The following FAM184B variants were observed in gnomAD, a reference collection of about 807,000 sequenced individuals.
FAM184B encodes the protein protein FAM184B.
Under a neutral mutation model 135.9 loss-of-function variants are expected in FAM184B, and 111 were observed. The ratio of observed to expected loss-of-function variants is 0.82; its 90% CI spans 0.70 to 0.96. The LOEUF (loss-of-function observed/expected upper bound fraction) is 0.96, where lower values mean the gene tolerates loss of function less well. Among genes scored for constraint, FAM184B ranks in the 40% least tolerant of loss-of-function variants. FAM184B has a pLI of 0.00. For synonymous variants in FAM184B, 552 were observed against 524.8 expected (o/e 1.05, Z -0.71); for missense variants, 1,375 against 1,323.9 (o/e 1.04, Z -0.60).
chr4:17,718,399 T>C (rs989002303), intron 1 of FAM184B, among the ~76,000 whole-genome samples: 2 of 152,188 alleles, frequency 1.3e-5, no homozygotes, highest in African/African-American at 4.8e-5. Context: ...GCATTTCCTA[T>C]ATGCCTGGCA....
At chr4:17,666,355 G>A (rs1716048829) in intron 7 of FAM184B, among the ~76,000 whole-genome samples, 1 of 138,842 alleles carries the variant, frequency 7.2e-6, no homozygotes. Context: ...CCAGGCTGAT[G>A]TGCAGTGGCG....
At chr4:17,770,613 A>T (rs534192573) in intron 1 of FAM184B, among the ~76,000 whole-genome samples, 7 of 152,056 alleles carry the variant, frequency 4.6e-5, no homozygotes, top group Non-Finnish European at 1.0e-4. Flanking sequence ...ACAGGTGCAT[A>T]CCACCAAACC....
intron 5 of FAM184B, among the ~76,000 whole-genome samples, chr4:17,694,319 C>T (rs1228258944): frequency 2.6e-5 from 4 of 152,070 alleles, no homozygotes; most frequent in Non-Finnish European, 4.4e-5. Context: ...GTCAGCAGAT[C>T]GAGACCATCC....
At chr4:17,641,949 A>T in intron 13 of FAM184B, 107 bp downstream of exon 13, 1 of 1,398,618 alleles carries the variant, frequency 7.1e-7, no homozygotes, top group East Asian at 2.8e-5. Context: ...ATGCCGAGGC[A>T]GTGACCCATT....
At chr4:17,700,371 T>C (rs1716958175) in intron 5 of FAM184B, among the ~76,000 whole-genome samples, 1 of 152,144 alleles carries the variant, frequency 6.6e-6, no homozygotes, top group African/African-American at 2.4e-5. Context: ...GGAATATACA[T>C]ATATTATCAG....
intron 12 of FAM184B, among the ~76,000 whole-genome samples, chr4:17,647,321 T>C (rs1439521000): frequency 1.3e-5 from 2 of 149,350 alleles, no homozygotes; most frequent in African/African-American, 5.0e-5. Context: ...GGCACAATCA[T>C]AGCTCACCAC....
Position 17,630,382 on chromosome 4 carries a change from A to G in FAM184B, c.*2150T>C, listed in dbSNP as rs992708077. 8 of 152,156 alleles carry G rather than the reference A, an allele frequency of 5.3e-5. No homozygotes were observed. The highest frequency in any genetic ancestry group is 7.3e-5 in the Non-Finnish European group (5 of 68,042). 9.4% of individuals were successfully genotyped at this position (152,156 alleles called of 1,614,324 possible). On this transcript the variant is annotated 3_prime_UTR_variant, in exon 18 of 18. Coordinates refer to ENST00000265018, the MANE Select transcript of FAM184B (RefSeq NM_015688.2). Reference sequence around the variant, plus strand: ...TGAGGGCTTCACCCTCATGAGTAGGATAAGTACCCTTACAAAAGAGGCTCA... The same window carrying G: ...TGAGGGCTTCACCCTCATGAGTAGGGTAAGTACCCTTACAAAAGAGGCTCA...
chr4:17,739,555 G>GTTTTTTTT lies in FAM184B; in HGVS notation c.142-29919_142-29912dup, dbSNP rs397992408. On this transcript the variant is annotated intron_variant, in intron 1 of 17. Transcript: ENST00000265018. ...CCCTACACCATATGTCATACCAACT[G>GTTTTTTTT]TTTTTTTTTTTTTTTTGAGATGGGG... Among the ~76,000 whole-genome samples the GTTTTTTTT allele has an allele frequency of 5.9e-4, 37 of 62,352 alleles. 2 individuals carry two copies. Among genetic ancestry groups the GTTTTTTTT allele is most frequent in the Admixed American group, 1.9e-3 (6 of 3,166 alleles). 40.9% of individuals were successfully genotyped at this position (62,352 alleles called of 152,430 possible).
intron 1 of FAM184B, among the ~76,000 whole-genome samples, chr4:17,733,538 AACAG>A (rs1209454651): frequency 3.3e-5 from 5 of 151,970 alleles, no homozygotes; most frequent in African/African-American, 9.7e-5. Flanking sequence ...ATACACCAGT[AACAG>A]ACAGAGAGCC....
At position 17,684,177 on chromosome 4, in the gene FAM184B, ATAAT is replaced by A. The variant is rs1283479500; in HGVS notation, c.1596+4243_1596+4246del. ...ATAATAAAATATAATATAAAATAAA[ATAAT>A]TATATATAAAATAGTTATATAAAAA... On this transcript the variant is annotated intron_variant, in intron 7 of 17. Transcript: ENST00000265018. Among the ~76,000 whole-genome samples the A allele has an allele frequency of 2.1e-5, 3 of 144,764 alleles. No homozygotes were observed. The Admixed American group carries it at 2.1e-4, about 10-fold the overall frequency. 95.0% of individuals were successfully genotyped at this position (144,764 alleles called of 152,430 possible).
intron 10 of FAM184B, among the ~76,000 whole-genome samples, chr4:17,654,996 T>C (rs1715748921): frequency 6.6e-6 from 1 of 152,118 alleles, no homozygotes; most frequent in African/African-American, 2.4e-5. Context: ...AGACCACAGA[T>C]GCTCACTACT....
chr4:17,773,837 G>A (rs1422231962), intron 1 of FAM184B, among the ~76,000 whole-genome samples: 2 of 152,102 alleles, frequency 1.3e-5, no homozygotes, highest in African/African-American at 4.8e-5. Flanking sequence ...TTGGCCTCCC[G>A]AAGTGCTGGG....
intron 1 of FAM184B, among the ~76,000 whole-genome samples, chr4:17,724,073 G>A (rs1440393450): frequency 1.3e-5 from 2 of 151,650 alleles, no homozygotes; most frequent in Non-Finnish European, 2.9e-5. Context: ...TGAAGCTAAT[G>A]AAATCTTTTA....
intron 1 of FAM184B, among the ~76,000 whole-genome samples, chr4:17,734,898 A>T (rs1717871920): frequency 6.6e-6 from 1 of 152,164 alleles, no homozygotes. Context: ...TTACTGCAGC[A>T]CTATTCACAA....
At chr4:17,678,084 G>C (rs1017569944) in intron 7 of FAM184B, among the ~76,000 whole-genome samples, 1 of 152,068 alleles carries the variant, frequency 6.6e-6, no homozygotes, top group Non-Finnish European at 1.5e-5. Context: ...GGGAAAAGTG[G>C]AAAGCATTCC....
chr4:17,767,295 G>T (rs1246465444), intron 1 of FAM184B, among the ~76,000 whole-genome samples: 1 of 152,246 alleles, frequency 6.6e-6, no homozygotes, highest in Admixed American at 6.5e-5. Flanking sequence ...AGCGTGGCCA[G>T]AGTGGGCTCC....
At chr4:17,731,931 G>A (rs1249991115) in intron 1 of FAM184B, among the ~76,000 whole-genome samples, 1 of 152,002 alleles carries the variant, frequency 6.6e-6, no homozygotes, top group Non-Finnish European at 1.5e-5. Flanking sequence ...CCACATAGTT[G>A]GAAGTAAAGC....
intron 6 of FAM184B, 149 bp from the exon 7 acceptor site, chr4:17,688,680 C>CT (rs34337003): frequency 0.06 from 7,115 of 117,656 alleles, 634 homozygotes; most frequent in South Asian, 0.098. Context: ...CTAGAAATGC[C>CT]TTTTTTTTTT....
rs1352965749 is a variant in FAM184B, at chr4:17,705,300, T to G, written c.1171-94A>C. 10 of 960,474 alleles carry G rather than the reference T, an allele frequency of 1.0e-5. No individual in the cohort carries two copies. In the Admixed American group the frequency reaches 2.2e-4, roughly 21 times the overall value. 59.5% of individuals were successfully genotyped at this position (960,474 alleles called of 1,614,324 possible). A position where few individuals can be genotyped will look rare whatever the true frequency, so the allele number is the denominator to read the frequency against. ...TTTCATACAACTTTTACAACGTTTA[T>G]ACACTGTTTTTACAGCATGTAGCAC... On this transcript the variant is annotated intron_variant, in intron 4 of 17. Coordinates refer to ENST00000265018, the MANE Select transcript of FAM184B (RefSeq NM_015688.2).
Sources: gnomAD v4.1 joint callset for allele counts (sites outside exome capture counted in the v4.1 genomes callset) on GRCh38, gnomAD v4.1.1 for gene constraint, MANE v1.5 for transcripts, NCBI Gene and HGNC (gene_info 2026-07-23, HGNC 2026-07-21) for gene names.